LPP: variants seen among roughly 807,000 people sequenced by gnomAD.
The protein encoded by LPP is LIM domain containing preferred translocation partner in lipoma.
A neutral mutation model predicts 60.4 loss-of-function variants in LPP; 38 were observed. That is an observed-to-expected ratio of 0.63 (90% confidence interval 0.49 to 0.83). LPP has a LOEUF of 0.83. Among genes scored for constraint, LPP ranks in the 40% least tolerant of loss-of-function variants. The probability of loss-of-function intolerance (pLI) is 0.00; values close to 1 mark genes in which losing one functional copy is unlikely to be tolerated. For missense variants in LPP, 902 were observed against 783.6 expected, an observed-to-expected ratio of 1.15 and a Z score of -1.80; for synonymous variants, 328 against 290.8, an observed-to-expected ratio of 1.13 and a Z score of -1.30.
intron 9 of LPP, among the ~76,000 whole-genome samples, chr3:188,784,136 CG>C (rs1560199680): frequency 2.0e-5 from 3 of 151,682 alleles, no homozygotes; most frequent in African/African-American, 7.3e-5. Flanking sequence ...TTTGCGTCCT[CG>C]TGGCTTAGCT....
rs368833364 is a variant in LPP, at chr3:188,406,148, A to G, written c.28A>G (p.Lys10Glu). The G allele has an allele frequency of 5.3e-5, 86 of 1,613,186 alleles. No individual in the cohort carries two copies. Among genetic ancestry groups the G allele is most frequent in the Non-Finnish European group, 7.0e-5 (82 of 1,179,716 alleles). The change falls in exon 4 of 12, where the codon AAA becomes GAA. Residue 10 changes from lysine (K) to glutamate (E), a missense_variant. Transcript: ENST00000617246. ...GTCTCACCCATCTTGGCTGCCACCC[A>G]AAAGCACTGGTGAGCCCCTCGGCCA... MSHPSWLPP[K>E]STGEPLGHVP...
At chr3:188,437,428 G>T (rs774218072) in intron 4 of LPP, among the ~76,000 whole-genome samples, 8 of 152,074 alleles carry the variant, frequency 5.3e-5, no homozygotes, top group South Asian at 4.1e-4. Context: ...GTGGACTTCA[G>T]GTAAGTTTAA....
chr3:188,541,835 T>C (rs1825266235), intron 6 of LPP, among the ~76,000 whole-genome samples: 2 of 151,970 alleles, frequency 1.3e-5, no homozygotes, highest in Non-Finnish European at 2.9e-5. Flanking sequence ...AGGTGGATGT[T>C]GCAGTGGGCC....
At chr3:188,298,094 T>C (rs1748544221) in intron 2 of LPP, among the ~76,000 whole-genome samples, 2 of 152,230 alleles carry the variant, frequency 1.3e-5, no homozygotes, top group African/African-American at 4.8e-5. Flanking sequence ...GATTGGTTGA[T>C]AGCCTTCCTG....
At chr3:188,581,361 G>A (rs889731390) in intron 6 of LPP, among the ~76,000 whole-genome samples, 1 of 152,136 alleles carries the variant, frequency 6.6e-6, no homozygotes, top group Non-Finnish European at 1.5e-5. Flanking sequence ...CCACCAGTCT[G>A]CCCTGGAAAC....
Position 188,880,480 on chromosome 3 carries a change from A to T in LPP, c.*6001A>T, listed in dbSNP as rs1229312318. On this transcript the variant is annotated 3_prime_UTR_variant, in exon 12 of 12. Transcript: ENST00000617246. ...CTACATCTAGCCTTTGTTAAAAATA[A>T]AAATTAATATTCTACAAACACCTAC... The T allele has an allele frequency of 5.3e-6, 1 of 189,934 alleles. No homozygotes were observed. The highest frequency in any genetic ancestry group is 2.3e-5 in the African/African-American group (1 of 42,912). 11.8% of individuals were successfully genotyped at this position (189,934 alleles called of 1,614,324 possible).
intron 2 of LPP, among the ~76,000 whole-genome samples, chr3:188,277,229 A>G (rs1489079486): frequency 1.3e-5 from 2 of 151,826 alleles, no homozygotes; most frequent in Non-Finnish European, 2.9e-5. Context: ...AAATTACCCA[A>G]TCTCGGGTAT....
At chr3:188,741,677 A>C (rs1724487939) in intron 8 of LPP, among the ~76,000 whole-genome samples, 1 of 151,998 alleles carries the variant, frequency 6.6e-6, no homozygotes, top group Non-Finnish European at 1.5e-5. Context: ...TGTAAAAGCT[A>C]AATCTATAAA....
At chr3:188,695,792 G>T (rs750497612) in intron 7 of LPP, among the ~76,000 whole-genome samples, 1 of 152,116 alleles carries the variant, frequency 6.6e-6, no homozygotes, top group Admixed American at 6.5e-5. Context: ...TCCAGCTTCT[G>T]GTCTAATTAG....
chr3:188,203,551 TTTTAAATATATATAAATATATA>T (rs1560107645), intron 1 of LPP, among the ~76,000 whole-genome samples: 1 of 73,300 alleles, frequency 1.4e-5, no homozygotes. Context: ...ATATATATAT[TTTTAAATATATATAAATATATA>T]TTTAAATATA....
At chr3:188,603,849 A>C (rs1841910152) in intron 6 of LPP, among the ~76,000 whole-genome samples, 1 of 152,140 alleles carries the variant, frequency 6.6e-6, no homozygotes, top group African/African-American at 2.4e-5. Context: ...TATTTTGTAT[A>C]TTCCTTGGCC....
chr3:188,654,532 TTGTG>T (rs147173152), intron 7 of LPP, among the ~76,000 whole-genome samples: 4 of 150,502 alleles, frequency 2.7e-5, no homozygotes, highest in African/African-American at 4.9e-5. Context: ...TTTCTCTGTG[TTGTG>T]TGTGTGTGTG....
chr3:188,779,013 C>T (rs1738727303), intron 9 of LPP, among the ~76,000 whole-genome samples: 1 of 151,920 alleles, frequency 6.6e-6, no homozygotes, highest in African/African-American at 2.4e-5. Flanking sequence ...AAAGTGCTGT[C>T]AGCATGGTAT....
chr3:188,853,603 G>A (rs1460758517), intron 9 of LPP, among the ~76,000 whole-genome samples: 3 of 152,168 alleles, frequency 2.0e-5, no homozygotes, highest in Admixed American at 2.0e-4. Context: ...AGACAGGGGA[G>A]GTAGGACAGC....
intron 6 of LPP, among the ~76,000 whole-genome samples, chr3:188,541,327 G>A (rs1825113438): frequency 6.6e-6 from 1 of 152,130 alleles, no homozygotes; most frequent in Non-Finnish European, 1.5e-5. Flanking sequence ...CTCTGGTGTG[G>A]ACCACACTTT....
At chr3:188,685,096 G>T (rs753105849) in intron 7 of LPP, among the ~76,000 whole-genome samples, 2 of 152,194 alleles carry the variant, frequency 1.3e-5, no homozygotes, top group African/African-American at 2.4e-5. Context: ...TGAGGAAGCT[G>T]AGGCACAGAG....
At chr3:188,657,281 T>TATATATATATATATATATATATC (rs10529848) in intron 7 of LPP, among the ~76,000 whole-genome samples, 3 of 143,578 alleles carry the variant, frequency 2.1e-5, no homozygotes, top group Non-Finnish European at 4.6e-5. Flanking sequence ...TATATATATA[T>TATATATATATATATATATATATC]TTCCAAAAGC....
At chr3:188,219,337 A>G (rs998945866) in intron 1 of LPP, among the ~76,000 whole-genome samples, 1 of 152,188 alleles carries the variant, frequency 6.6e-6, no homozygotes, top group Non-Finnish European at 1.5e-5. Context: ...GTGTTTACCA[A>G]TTGAGGGTAC....
chr3:188,240,896 T>A (rs1724354889), intron 2 of LPP, among the ~76,000 whole-genome samples: 1 of 152,196 alleles, frequency 6.6e-6, no homozygotes. Context: ...AAAAGTTCCG[T>A]GTGGAGAGCA....
Sources: gnomAD v4.1 joint callset for allele counts (sites outside exome capture counted in the v4.1 genomes callset) on GRCh38, gnomAD v4.1.1 for gene constraint, MANE v1.5 for transcripts, NCBI Gene and HGNC (gene_info 2026-07-23, HGNC 2026-07-21) for gene names.